The following UBTD2 variants were observed in gnomAD, a reference collection of about 807,000 sequenced individuals.
UBTD2 encodes the protein ubiquitin domain-containing protein 2.
UBTD2 carries 9 observed loss-of-function variants against 19.8 expected under a neutral mutation model. The observed-to-expected ratio is 0.46, with a 90% CI of 0.27 to 0.79. The LOEUF (loss-of-function observed/expected upper bound fraction) is 0.79, where lower values mean the gene tolerates loss of function less well. Ranked by LOEUF, UBTD2 falls within the 30% of genes least tolerant of loss-of-function variation. The pLI is 0.14. For missense variants in UBTD2, 250 were observed against 300.4 expected, an observed-to-expected ratio of 0.83 and a Z score of 1.24; for synonymous variants, 98 against 103.9, an observed-to-expected ratio of 0.94 and a Z score of 0.35.
chr5:172,267,528 C>T (rs1334869285), intron 1 of UBTD2, among the ~76,000 whole-genome samples: 2 of 152,184 alleles, frequency 1.3e-5, no homozygotes, highest in African/African-American at 4.8e-5. Flanking sequence ...TCAGTATACG[C>T]TCTCATCAAC....
At chr5:172,224,301 T>TC (rs1363192714) in intron 2 of UBTD2, among the ~76,000 whole-genome samples, 20 of 97,714 alleles carry the variant, frequency 2.0e-4, no homozygotes, top group South Asian at 8.3e-4. Context: ...TTCATTTCTT[T>TC]TTTTTTTTTT....
intron 1 of UBTD2, among the ~76,000 whole-genome samples, chr5:172,263,036 C>A (rs943224133): frequency 7.9e-5 from 12 of 152,026 alleles, no homozygotes; most frequent in Non-Finnish European, 1.3e-4. Flanking sequence ...GACCTCCGGG[C>A]GAGCGATCCT....
chr5:172,283,721 GC>G lies in UBTD2; in HGVS notation c.-57del. The G allele has an allele frequency of 8.6e-7, 1 of 1,162,722 alleles. No individual in the cohort carries two copies. The highest frequency in any genetic ancestry group is 1.1e-6 in the Non-Finnish European group (1 of 935,794). 72.0% of individuals were successfully genotyped at this position (1,162,722 alleles called of 1,614,324 possible). On this transcript the variant is annotated 5_prime_UTR_variant, in exon 1 of 3. Transcript: ENST00000393792. This position sits in a 1 kb window ranked among gnomAD's most constrained non-coding sequence, Gnocchi z 4.3. ...CGGACGCTCGTCCGGGCCCGCCGCC[GC>G]CGCCGCTGCAGCCTCCTCCGGCGCC...
intron 1 of UBTD2, among the ~76,000 whole-genome samples, chr5:172,264,911 A>C (rs967703693): frequency 6.6e-6 from 1 of 152,148 alleles, no homozygotes; most frequent in Non-Finnish European, 1.5e-5. Context: ...CAAAACAAAA[A>C]AAATTCAGAG....
intron 1 of UBTD2, among the ~76,000 whole-genome samples, chr5:172,265,312 A>G (rs1755354123): frequency 6.6e-6 from 1 of 152,210 alleles, no homozygotes; most frequent in Admixed American, 6.5e-5. Context: ...CCCAAAACCG[A>G]AACGAAATAA....
intron 1 of UBTD2, among the ~76,000 whole-genome samples, chr5:172,262,483 T>C (rs1006159126): frequency 7.0e-6 from 1 of 143,182 alleles, no homozygotes; most frequent in Non-Finnish European, 1.5e-5. Context: ...AAAATGTATA[T>C]GAAGATTCTT....
At chr5:172,272,235 C>T (rs150385497) in intron 1 of UBTD2, among the ~76,000 whole-genome samples, 3 of 152,320 alleles carry the variant, frequency 2.0e-5, no homozygotes, top group Admixed American at 6.5e-5. Flanking sequence ...TTCTTGCTGA[C>T]GGCATGTCAA....
intron 2 of UBTD2, among the ~76,000 whole-genome samples, chr5:172,231,624 T>C (rs2113890727): frequency 6.6e-6 from 1 of 152,304 alleles, no homozygotes; most frequent in East Asian, 1.9e-4. Context: ...ATATACAGAA[T>C]GCAACCAGGT....
chr5:172,239,351 C>T (rs998786428), intron 1 of UBTD2, among the ~76,000 whole-genome samples: 2 of 152,136 alleles, frequency 1.3e-5, no homozygotes, highest in Admixed American at 6.5e-5. Flanking sequence ...CTTTGGGAGG[C>T]TGAGGCAGGG....
chr5:172,212,369 T>A (rs1359254732), intron 2 of UBTD2, 142 bp from the exon 3 acceptor site: 3 of 879,994 alleles, frequency 3.4e-6, no homozygotes, highest in Non-Finnish European at 3.3e-6. Flanking sequence ...TCAATGATTA[T>A]CAAATCCCAT....
intron 2 of UBTD2, among the ~76,000 whole-genome samples, chr5:172,220,510 C>T (rs145436321): frequency 0.012 from 1,901 of 152,260 alleles, 31 homozygotes; most frequent in African/African-American, 0.043. Flanking sequence ...TGGCACATGC[C>T]TGTAATCCCA....
At chr5:172,230,480 T>G (rs1025117783) in intron 2 of UBTD2, among the ~76,000 whole-genome samples, 9 of 152,216 alleles carry the variant, frequency 5.9e-5, no homozygotes, top group Non-Finnish European at 1.3e-4. Flanking sequence ...CCGAGCACTC[T>G]GATCAGCAAC....
intron 1 of UBTD2, among the ~76,000 whole-genome samples, chr5:172,282,117 A>G (rs1229565237): frequency 6.6e-6 from 1 of 152,260 alleles, no homozygotes; most frequent in Non-Finnish European, 1.5e-5. Flanking sequence ...AATTTAATTA[A>G]AACTAAACAC....
rs978807638 is a variant in UBTD2, at chr5:172,220,962, C to T, written c.308-8735G>A. 2.6e-5 allele frequency among the ~76,000 whole-genome samples: 4 copies of T among 152,280 alleles called. No homozygotes were observed. In the East Asian group the frequency reaches 5.8e-4, roughly 22 times the overall value. On this transcript the variant is annotated intron_variant, in intron 2 of 2. Transcript: ENST00000393792. Reference sequence around the variant, plus strand: ...TAATATACAAAAGTCAACTGCTCTCCTATACATCAGCAATGAGCAAGTAGA... The same window carrying T: ...TAATATACAAAAGTCAACTGCTCTCTTATACATCAGCAATGAGCAAGTAGA...
chr5:172,254,645 C>T, intron 1 of UBTD2: 1 of 621,204 alleles, frequency 1.6e-6, no homozygotes, highest in Non-Finnish European at 2.9e-6. Context: ...GTATCCTCCA[C>T]TTCGAGTATC....
rs546533908 is a variant in UBTD2, at chr5:172,229,459, C to A, written c.307+4663G>T. Among the ~76,000 whole-genome samples, 10 of 135,636 alleles carry A rather than the reference C, an allele frequency of 7.4e-5. No homozygotes were observed. In the South Asian group the frequency reaches 2.4e-3, roughly 33 times the overall value. The allele number at this position is 135,636 out of a possible 152,430, so 89.0% of individuals were successfully genotyped here. On this transcript the variant is annotated intron_variant, in intron 2 of 2. Coordinates refer to ENST00000393792, the MANE Select transcript of UBTD2 (RefSeq NM_152277.3). ...GAGCTTGCAGTGAGCCGAGATTGTG[C>A]CACTGCACTCCAGCCTGGGCGACAG...
chr5:172,229,712 T>C (rs1051442031), intron 2 of UBTD2, among the ~76,000 whole-genome samples: 2 of 152,134 alleles, frequency 1.3e-5, no homozygotes, highest in Admixed American at 6.5e-5. Flanking sequence ...TATATCATAA[T>C]TACAAAAAGC....
Position 172,245,893 on chromosome 5 carries a change from T to C in UBTD2, c.71-11535A>G, listed in dbSNP as rs142136965. Among the ~76,000 whole-genome samples the C allele has an allele frequency of 6.6e-5, 10 of 152,340 alleles. No homozygotes were observed. The East Asian group carries it at 1.9e-3, about 29-fold the overall frequency. ...GCTGAACCTAGCAGGATTGATTGCC[T>C]GCTGAAACAAAACAAAATCAAAGTT... On this transcript the variant is annotated intron_variant, in intron 1 of 2. Transcript: ENST00000393792.
At chr5:172,229,413 A>G (rs949312007) in intron 2 of UBTD2, among the ~76,000 whole-genome samples, 5 of 149,684 alleles carry the variant, frequency 3.3e-5, no homozygotes, top group African/African-American at 1.2e-4. Context: ...AGGCAGGAGA[A>G]TGGCGTGAAC....
Sources: gnomAD v4.1 joint callset for allele counts (sites outside exome capture counted in the v4.1 genomes callset) on GRCh38, gnomAD v4.1.1 for gene constraint, Gnocchi (gnomAD v3.1) non-coding constraint, MANE v1.5 for transcripts, NCBI Gene and HGNC (gene_info 2026-07-23, HGNC 2026-07-21) for gene names.